Variants in WASHC3 observed in about 807,000 individuals in gnomAD.
WASHC3 encodes WASH complex subunit CCDC53.
Under a neutral mutation model 26.1 loss-of-function variants are expected in WASHC3, and 24 were observed. The observed-to-expected ratio is 0.92, with a 90% confidence interval of 0.66 to 1.29. The LOEUF is 1.29. Among genes scored for constraint, WASHC3 ranks in the 50% most tolerant of loss-of-function variants. The pLI is 0.00. For synonymous variants in WASHC3, 77 were observed against 75.7 expected (o/e 1.02, Z -0.09); for missense variants, 214 against 229.6 (o/e 0.93, Z 0.44).
chr12:102,033,446 T>C (rs1314418549), intron 5 of WASHC3, among the ~76,000 whole-genome samples: 2 of 152,154 alleles, frequency 1.3e-5, no homozygotes, highest in Non-Finnish European at 2.9e-5. Flanking sequence ...TGTATCAAGA[T>C]GATACTGAGT....
chr12:102,041,974 T>G (rs529153315), intron 4 of WASHC3, among the ~76,000 whole-genome samples: 6 of 152,142 alleles, frequency 3.9e-5, no homozygotes, highest in South Asian at 4.1e-4. Context: ...CAAACACAAC[T>G]GCATAAGAAT....
At chr12:102,052,314 CA>C (rs2136685575) in intron 2 of WASHC3, among the ~76,000 whole-genome samples, 1 of 152,328 alleles carries the variant, frequency 6.6e-6, no homozygotes, top group South Asian at 2.1e-4. Flanking sequence ...CCTTGGACCA[CA>C]ACACCAGGCC....
At chr12:102,055,494 C>T (rs1215619391) in intron 2 of WASHC3, among the ~76,000 whole-genome samples, 2 of 152,148 alleles carry the variant, frequency 1.3e-5, no homozygotes, top group Non-Finnish European at 2.9e-5. Context: ...TACAGGTGTG[C>T]ACCACCACGC....
At chr12:102,017,641 C>T (rs1053934065) in intron 6 of WASHC3, 10 of 319,256 alleles carry the variant, frequency 3.1e-5, no homozygotes, top group African/African-American at 2.0e-4. Flanking sequence ...CTAGCAGGAG[C>T]AATAGGTGGA....
At chr12:102,054,626 G>A (rs1441900465) in intron 2 of WASHC3, among the ~76,000 whole-genome samples, 1 of 151,920 alleles carries the variant, frequency 6.6e-6, no homozygotes, top group Non-Finnish European at 1.5e-5. Flanking sequence ...TCTTCTCAAG[G>A]GCACACAAAA....
At chr12:102,056,769 T>C (rs1878608145) in intron 2 of WASHC3, among the ~76,000 whole-genome samples, 1 of 152,146 alleles carries the variant, frequency 6.6e-6, no homozygotes. Flanking sequence ...ATCAAATCAG[T>C]AGTTAAGTCT....
In WASHC3 at chr12:102,013,181, G is replaced by T; in HGVS notation, c.512C>A (p.Ala171Asp). Residue 171 changes from alanine (A) to aspartate (D), a missense_variant, in exon 7 of 7, where the codon GCT (alanine) becomes GAT (aspartate). By Grantham distance (126) the Ala-to-Asp change is moderately radical (BLOSUM62 -2). Coordinates refer to ENST00000240079, the MANE Select transcript of WASHC3 (RefSeq NM_016053.4). ...CTCACTTTCGCCATCAGGCACTGGAGCATCTGGCCTCCTAAAAGAAAAGAA... is the reference window on the plus strand; with the variant it reads ...CTCACTTTCGCCATCAGGCACTGGATCATCTGGCCTCCTAAAAGAAAAGAA... ...LDPDLLERPD[A>D]PVPDGESEKT... is the part of the protein sequence containing the mutation. 3 of 1,524,972 alleles carry T rather than the reference G, an allele frequency of 2.0e-6. No homozygotes were observed. The highest frequency in any genetic ancestry group is 2.7e-6 in the Non-Finnish European group (3 of 1,122,512). The allele number at this position is 1,524,972 out of a possible 1,614,324, so 94.5% of individuals were successfully genotyped here.
chr12:102,042,924 T>C (rs969044543), intron 4 of WASHC3, among the ~76,000 whole-genome samples: 1 of 152,270 alleles, frequency 6.6e-6, no homozygotes, highest in African/African-American at 2.4e-5. Flanking sequence ...AAAGAATTTT[T>C]ATTTTTTGAA....
chr12:102,027,211 T>G (rs1157482521), intron 5 of WASHC3, among the ~76,000 whole-genome samples: 1 of 152,204 alleles, frequency 6.6e-6, no homozygotes, highest in African/African-American at 2.4e-5. Flanking sequence ...ATAGCTATTT[T>G]GAAATATACA....
chr12:102,045,925 A>G lies in WASHC3; in HGVS notation c.216+129T>C, dbSNP rs927495601. ...CAACTGCAGTAAAATTAAAAACACA[A>G]CCAGTATCACTTCACAGATACAGAA... is the stretch of plus-strand genomic sequence containing the variant. On this transcript the variant is annotated intron_variant, in intron 3 of 6. Coordinates refer to ENST00000240079, the MANE Select transcript of WASHC3 (RefSeq NM_016053.4). 7.9e-5 allele frequency: 46 copies of G among 583,168 alleles called. No individual in the cohort carries two copies. In the African/African-American group the frequency reaches 7.9e-4, roughly 10 times the overall value. 36.1% of individuals were successfully genotyped at this position (583,168 alleles called of 1,614,324 possible).
chr12:102,024,789 C>G (rs1437845418), intron 6 of WASHC3, among the ~76,000 whole-genome samples: 1 of 152,130 alleles, frequency 6.6e-6, no homozygotes, highest in East Asian at 1.9e-4. Context: ...TATTTACAAC[C>G]TATATATTGC....
At chr12:102,059,427 A>G (rs1019248799) in intron 2 of WASHC3, among the ~76,000 whole-genome samples, 12 of 152,212 alleles carry the variant, frequency 7.9e-5, no homozygotes, top group African/African-American at 2.7e-4. Flanking sequence ...CTAGAGTTCA[A>G]AGAAGTACTA....
At chr12:102,022,436 A>G (rs1160427104) in intron 6 of WASHC3, among the ~76,000 whole-genome samples, 2 of 152,228 alleles carry the variant, frequency 1.3e-5, no homozygotes, top group Non-Finnish European at 2.9e-5. Flanking sequence ...AACATTGTTT[A>G]TCTTAGTCTG....
At position 102,044,666 on chromosome 12, in the gene WASHC3, T is replaced by C. The variant is rs544382809; in HGVS notation, c.217-454A>G. Among the ~76,000 whole-genome samples the C allele has an allele frequency of 3.9e-5, 6 of 152,366 alleles. No individual in the cohort carries two copies. The South Asian group carries it at 1.2e-3, about 32-fold the overall frequency. On this transcript the variant is annotated intron_variant, in intron 3 of 6. Transcript: ENST00000240079. ...CTTTGTGCAAATTTTGAGTTTCAATTATCTAGGATATGACAAAACTCTTGT... is the reference window on the plus strand; with the variant it reads ...CTTTGTGCAAATTTTGAGTTTCAATCATCTAGGATATGACAAAACTCTTGT...
rs781509320 is a variant in WASHC3, at chr12:102,039,961, G to A, written c.342C>T (p.Asp114=). 5.7e-6 allele frequency: 9 copies of A among 1,581,204 alleles called. No homozygotes were observed. In the South Asian group the frequency reaches 1.0e-4, roughly 18 times the overall value. ...ATACTTCACTTTCCTGTAGTCCAGA[G>A]TCTTGTGTACTGTTCTGCTGTAGAG... The part of the protein sequence containing the change: ...SEQPQQNSTQ[D]SGLQESEVSA... Residue 114 remains aspartate, a synonymous_variant, in exon 5 of 7, where the codon GAC becomes GAT. Coordinates refer to ENST00000240079, the MANE Select transcript of WASHC3 (RefSeq NM_016053.4).
chr12:102,035,649 T>C (rs1877624326), intron 5 of WASHC3, among the ~76,000 whole-genome samples: 1 of 148,672 alleles, frequency 6.7e-6, no homozygotes, highest in Non-Finnish European at 1.5e-5. Flanking sequence ...GAAGGAGAGA[T>C]CATATGCAGG....
At chr12:102,021,604 G>A (rs1876961237) in intron 6 of WASHC3, among the ~76,000 whole-genome samples, 1 of 152,148 alleles carries the variant, frequency 6.6e-6, no homozygotes, top group African/African-American at 2.4e-5. Flanking sequence ...AATGAATGAG[G>A]ACTGGTAATT....
chr12:102,039,923 A>G lies in WASHC3; in HGVS notation c.380T>C (p.Ile127Thr), dbSNP rs961799047. Residue 127 changes from isoleucine to threonine, a missense_variant, in exon 5 of 7, where the codon ATC becomes ACC. Transcript: ENST00000240079. ...LQESEVSAENILTVAKDPRYA... is the reference protein window; with the variant it reads ...LQESEVSAENTLTVAKDPRYA... Reference sequence around the variant, plus strand: ...TCTTGGATCCTTGGCTACAGTTAAGATATTTTCTGCTGATACTTCACTTTC... The same window carrying G: ...TCTTGGATCCTTGGCTACAGTTAAGGTATTTTCTGCTGATACTTCACTTTC... 1.9e-6 allele frequency: 3 copies of G among 1,606,394 alleles called. No individual in the cohort carries two copies. The highest frequency in any genetic ancestry group is 2.6e-6 in the Non-Finnish European group (3 of 1,173,436).
chr12:102,043,213 A>T (rs1302672417), intron 4 of WASHC3, among the ~76,000 whole-genome samples: 1 of 152,192 alleles, frequency 6.6e-6, no homozygotes, highest in Non-Finnish European at 1.5e-5. Context: ...TGGTTGGTCC[A>T]TGGCGTGTAC....
Sources: gnomAD v4.1 joint callset for allele counts (sites outside exome capture counted in the v4.1 genomes callset) on GRCh38, gnomAD v4.1.1 for gene constraint, MANE v1.5 for transcripts, NCBI Gene and HGNC (gene_info 2026-07-23, HGNC 2026-07-21) for gene names.